Variants in EIF4A2 observed in about 807,000 individuals in gnomAD.
EIF4A2 encodes the protein eukaryotic translation initiation factor 4A2, also known as eukaryotic initiation factor 4A-II.
In EIF4A2, 9 loss-of-function variants were observed where a neutral mutation model predicts 50.6. The ratio of observed to expected loss-of-function variants is 0.18; its 90% CI spans 0.11 to 0.31. The LOEUF is 0.31. EIF4A2 is among the 10% of genes least tolerant of loss of function. The probability of loss-of-function intolerance (pLI) is 1.00; values close to 1 mark genes in which losing one functional copy is unlikely to be tolerated. For missense variants in EIF4A2, 182 were observed against 501.8 expected (o/e 0.36, Z 6.09); for synonymous variants, 215 against 164.4 (o/e 1.31, Z -2.35).
chr3:186,783,753 T>G, intron 1 of EIF4A2, 114 bp downstream of exon 1: 2 of 1,509,772 alleles, frequency 1.3e-6, no homozygotes. Context: ...TTTCTTAGGG[T>G]ACAGCACTCC....
At chr3:186,783,855 C>T (rs1721515276) in intron 1 of EIF4A2, 2 of 674,082 alleles carry the variant, frequency 3.0e-6, no homozygotes, top group Admixed American at 2.9e-5. Context: ...GGGCGTTTTT[C>T]CTCTCTAAGA....
At chr3:186,786,331 A>C in intron 6 of EIF4A2, 58 bp downstream of exon 6, 1 of 1,552,106 alleles carries the variant, frequency 6.4e-7, no homozygotes, top group Non-Finnish European at 8.8e-7. Context: ...TAATGCAGGT[A>C]CTGTTACAAT....
At chr3:186,788,235 T>A in intron 10 of EIF4A2, 1 of 1,226,728 alleles carries the variant, frequency 8.2e-7, no homozygotes, top group East Asian at 5.0e-5. Context: ...GGTTTAGTTA[T>A]AGTGGCTTTA....
At chr3:186,784,152 G>C (rs1721546933) in intron 1 of EIF4A2, 1 of 534,436 alleles carries the variant, frequency 1.9e-6, no homozygotes, top group Non-Finnish European at 3.3e-6. Flanking sequence ...CCCGGCTTGC[G>C]CATTGTTGGG....
At chr3:186,788,110 C>T in intron 10 of EIF4A2, 1 of 685,258 alleles carries the variant, frequency 1.5e-6, no homozygotes, top group Non-Finnish European at 2.4e-6. Flanking sequence ...AATTGTTGGT[C>T]TTACCTTATG....
intron 10 of EIF4A2, chr3:186,788,283 TAAAA>T (rs571773703): frequency 1.5e-6 from 2 of 1,291,830 alleles, no homozygotes; most frequent in Non-Finnish European, 2.0e-6. Flanking sequence ...TTATATGATG[TAAAA>T]AAAGACTTTT....
chr3:186,788,103 T>C, intron 10 of EIF4A2: 1 of 694,680 alleles, frequency 1.4e-6, no homozygotes, highest in African/African-American at 1.8e-5. Flanking sequence ...TTTCCACAAT[T>C]GTTGGTCTTA....
At chr3:186,784,146 G>A in intron 1 of EIF4A2, 3 of 532,772 alleles carry the variant, frequency 5.6e-6, no homozygotes, top group South Asian at 2.2e-5. Flanking sequence ...CAATCACCCG[G>A]CTTGCGCATT....
chr3:186,783,647 G>A lies in EIF4A2; in HGVS notation c.29+8G>A. The A allele has an allele frequency of 6.2e-7, 1 of 1,614,192 alleles. No individual in the cohort carries two copies. Among genetic ancestry groups the A allele is most frequent in the Non-Finnish European group, 8.5e-7 (1 of 1,180,028 alleles). The stretch of plus-strand genomic sequence containing the variant: ...CTCCGCGGATTATAACAGGTATGCA[G>A]TCTGTTGGCGGTCGCGGTCTGTAGT... On this transcript the variant is annotated splice_region_variant and intron_variant, in intron 1 of 10. Transcript: ENST00000323963.
chr3:186,787,297 C>T (rs759910219), intron 8 of EIF4A2, 33 bp downstream of exon 8: 54 of 1,613,950 alleles, frequency 3.3e-5, no homozygotes, highest in Non-Finnish European at 4.4e-5. Context: ...TGGATTTCCA[C>T]TAAAGCAGGA....
intron 6 of EIF4A2, 111 bp from the exon 7 acceptor site, chr3:186,786,391 A>C: frequency 6.5e-7 from 1 of 1,533,670 alleles, no homozygotes; most frequent in Non-Finnish European, 8.8e-7. Flanking sequence ...CACTTGATGC[A>C]TAACTCTGTC....
Position 186,786,564 on chromosome 3 carries a change from A to G in EIF4A2, c.690A>G (p.Arg230=), listed in dbSNP as rs1373687803. The part of the protein sequence containing the change: ...DVLEVTKKFM[R]DPIRILVKKE... The stretch of plus-strand genomic sequence containing the variant: ...TGGAAGTGACCAAAAAATTCATGAG[A>G]GATCCAATTCGAATTCTGGTGAAAA... The change falls in exon 7 of 11, where the codon AGA becomes AGG. Residue 230 remains arginine (R), a synonymous_variant. Coordinates refer to ENST00000323963, the MANE Select transcript of EIF4A2 (RefSeq NM_001967.4). 1 of 1,613,614 alleles carries G rather than the reference A, an allele frequency of 6.2e-7. No individual in the cohort carries two copies. Among genetic ancestry groups the G allele is most frequent in the Middle Eastern group, 1.8e-4 (1 of 5,600 alleles).
intron 8 of EIF4A2, 69 bp from the exon 9 acceptor site, chr3:186,787,426 A>G: frequency 1.2e-6 from 2 of 1,609,758 alleles, no homozygotes; most frequent in East Asian, 2.2e-5. Context: ...GCTTGGTCTC[A>G]TACATGTTGA....
At position 186,784,699 on chromosome 3, in the gene EIF4A2, A is replaced by G. The variant is rs1721585245; in HGVS notation, c.208+3A>G. 1 of 1,612,900 alleles carries G rather than the reference A, an allele frequency of 6.2e-7. No individual in the cohort carries two copies. The highest frequency in any genetic ancestry group is 8.5e-7 in the Non-Finnish European group (1 of 1,179,322). ...AGCTATTATTCCCTGTATTAAAGGT[A>G]AAAGAAACTGGCATTTTTAGGAAAT... On this transcript the variant is annotated splice_donor_region_variant and intron_variant, in intron 3 of 10. Coordinates refer to ENST00000323963, the MANE Select transcript of EIF4A2 (RefSeq NM_001967.4).
rs762208203 is a variant in EIF4A2, at chr3:186,786,072, A to G, written c.517+21A>G. 5.0e-6 allele frequency: 8 copies of G among 1,600,162 alleles called. No homozygotes were observed. In the African/African-American group the frequency reaches 8.0e-5, roughly 16 times the overall value. On this transcript the variant is annotated intron_variant, in intron 5 of 10. Coordinates refer to ENST00000323963, the MANE Select transcript of EIF4A2 (RefSeq NM_001967.4). The stretch of plus-strand genomic sequence containing the variant: ...CCTTTGTAAGTATTGTCTTTAAGAG[A>G]GTATTTTTTTTAAAACTGTTAACAT...
In EIF4A2 at chr3:186,786,493, CT is replaced by C; in HGVS notation, c.628-4del. On this transcript the variant is annotated splice_region_variant and splice_polypyrimidine_tract_variant and intron_variant, in intron 6 of 10. Transcript: ENST00000323963. ...AAGTTGTGCTACAACATAATTTTCT[CT>C]TTTTAAGGTTGTGTTGCTTTCTGCC... 2 of 1,610,214 alleles carry C rather than the reference CT, an allele frequency of 1.2e-6. No homozygotes were observed. Among genetic ancestry groups the C allele is most frequent in the East Asian group, 2.2e-5 (1 of 44,838 alleles).
chr3:186,786,283 A>G lies in EIF4A2; in HGVS notation c.627+10A>G, dbSNP rs747278362. ...AAACACAAGTATTCAGGTAAGCATT[A>G]CTTCACCCCCCTCTTAAAGGTAGAG... On this transcript the variant is annotated intron_variant, in intron 6 of 10. Transcript: ENST00000323963. 2 of 1,607,996 alleles carry G rather than the reference A, an allele frequency of 1.2e-6. No homozygotes were observed. The highest frequency in any genetic ancestry group is 1.7e-4 in the Middle Eastern group (1 of 5,886).
chr3:186,784,188 C>G (rs1464587439), intron 1 of EIF4A2: 6 of 583,784 alleles, frequency 1.0e-5, no homozygotes, highest in East Asian at 8.9e-5. Flanking sequence ...TCCGAGCTCT[C>G]GCGAGACGCT....
chr3:186,789,035 ACAG>A (rs1233385996), intron 10 of EIF4A2, 87 bp from the exon 11 acceptor site: 14 of 1,490,020 alleles, frequency 9.4e-6, no homozygotes, highest in Non-Finnish European at 1.3e-5. Flanking sequence ...TGATAAGTAA[ACAG>A]CAGCTGGTGG....
Sources: allele counts gnomAD v4.1 joint callset, GRCh38; gene constraint gnomAD v4.1.1; transcripts MANE v1.5; gene names NCBI Gene and HGNC (gene_info 2026-07-23, HGNC 2026-07-21).